The following ICA1 variants were observed in gnomAD, a reference collection of about 807,000 sequenced individuals.
ICA1 encodes the protein islet cell autoantigen 1, also known as 69 kDa islet cell autoantigen.
ICA1 carries 40 observed loss-of-function variants against 71.0 expected under a neutral mutation model. The observed-to-expected ratio is 0.56, with a 90% CI of 0.44 to 0.73. The LOEUF is 0.73. Ranked by LOEUF, ICA1 falls within the 30% of genes least tolerant of loss-of-function variation. The probability of loss-of-function intolerance (pLI) is 0.00; values close to 1 mark genes in which losing one functional copy is unlikely to be tolerated. For synonymous variants in ICA1, 207 were observed against 209.5 expected, an observed-to-expected ratio of 0.99 and a Z score of 0.10; for missense variants, 578 against 576.5, an observed-to-expected ratio of 1.00 and a Z score of -0.03.
At chr7:8,210,488 G>A (rs1396363860) in intron 6 of ICA1, among the ~76,000 whole-genome samples, 1 of 152,074 alleles carries the variant, frequency 6.6e-6, no homozygotes, top group Admixed American at 6.5e-5. Flanking sequence ...ACTAAAAGCA[G>A]AAATAATATA....
chr7:8,197,563 G>GC (rs60077125), intron 6 of ICA1, among the ~76,000 whole-genome samples: 1 of 109,134 alleles, frequency 9.2e-6, no homozygotes, highest in African/African-American at 2.9e-5. Flanking sequence ...AAAAAAAAAA[G>GC]AAGAAAGAAG....
At chr7:8,188,292 G>T (rs1784501176) in intron 6 of ICA1, among the ~76,000 whole-genome samples, 1 of 152,170 alleles carries the variant, frequency 6.6e-6, no homozygotes, top group African/African-American at 2.4e-5. Context: ...TGGTTTCTAA[G>T]TTTCATCATT....
intron 1 of ICA1, 97 bp from the exon 2 acceptor site, chr7:8,236,102 C>T (rs569523853): frequency 1.5e-6 from 1 of 651,606 alleles, no homozygotes; most frequent in East Asian, 2.8e-5. Flanking sequence ...CCATTTCTAG[C>T]TGTATTTTAG....
At chr7:8,157,337 A>C in intron 7 of ICA1, 123 bp from the exon 8 acceptor site, 1 of 975,712 alleles carries the variant, frequency 1.0e-6, no homozygotes, top group South Asian at 1.8e-5. Flanking sequence ...ACTCATTTCC[A>C]TGCTTCCCAT....
At chr7:8,115,429 T>A (rs907959094) in intron 13 of ICA1, among the ~76,000 whole-genome samples, 3 of 152,214 alleles carry the variant, frequency 2.0e-5, no homozygotes, top group Non-Finnish European at 2.9e-5. Flanking sequence ...TGCTAGAGGA[T>A]ATCAAAATAT....
At chr7:8,202,698 T>C (rs1225000685) in intron 6 of ICA1, among the ~76,000 whole-genome samples, 2 of 152,196 alleles carry the variant, frequency 1.3e-5, no homozygotes, top group Non-Finnish European at 2.9e-5. Flanking sequence ...ATCTTGGTAC[T>C]CACCACAGAA....
At position 8,158,369 on chromosome 7, in the gene ICA1, C is replaced by T. The variant is rs1290221269; in HGVS notation, c.705+158G>A. 5 of 806,638 alleles carry T rather than the reference C, an allele frequency of 6.2e-6. No homozygotes were observed. The Admixed American group carries it at 8.0e-5, about 13-fold the overall frequency. The allele number at this position is 806,638 out of a possible 1,614,324, so 50.0% of individuals were successfully genotyped here. A position where few individuals can be genotyped will look rare whatever the true frequency, so the allele number is the denominator to read the frequency against. ...ATAACTACTATTTGGTTTGGTTAAA[C>T]GTAGGGCCCTAGAAGGCAGAGATGT... On this transcript the variant is annotated intron_variant, in intron 7 of 13. Coordinates refer to ENST00000402384, the MANE Select transcript of ICA1 (RefSeq NM_001136020.3).
intron 1 of ICA1, among the ~76,000 whole-genome samples, chr7:8,237,823 C>G (rs528030217): frequency 3.1e-4 from 44 of 142,412 alleles, no homozygotes; most frequent in Admixed American, 9.7e-4. Context: ...AAGACAGACA[C>G]ACACACACAC....
intron 1 of ICA1, among the ~76,000 whole-genome samples, chr7:8,257,769 T>C (rs1376085069): frequency 1.3e-5 from 2 of 152,202 alleles, no homozygotes; most frequent in East Asian, 1.9e-4. Context: ...ATGCAACGAA[T>C]ATTTAGAATC....
At position 8,122,426 on chromosome 7, in the gene ICA1, G is replaced by A. The variant is rs149824122; in HGVS notation, c.1330+5447C>T. On this transcript the variant is annotated intron_variant, in intron 13 of 13. Coordinates refer to ENST00000402384, the MANE Select transcript of ICA1 (RefSeq NM_001136020.3). Reference sequence around the variant, plus strand: ...CCTTGATTCCCTGTTCTATAAAACAGGTGTAGAGTAGATCAAAGTTCCTTC... The same window carrying A: ...CCTTGATTCCCTGTTCTATAAAACAAGTGTAGAGTAGATCAAAGTTCCTTC... 1.5e-3 allele frequency among the ~76,000 whole-genome samples: 236 copies of A among 152,346 alleles called. 2 individuals carry two copies. Among genetic ancestry groups the A allele is most frequent in the African/African-American group, 5.4e-3 (224 of 41,576 alleles).
intron 6 of ICA1, among the ~76,000 whole-genome samples, chr7:8,174,775 A>AACAAAAAACCAAAG (rs1584905899): frequency 3.6e-5 from 4 of 111,400 alleles, no homozygotes; most frequent in South Asian, 2.9e-4. Context: ...AAAAAAAAAA[A>AACAAAAAACCAAAG]AAAACAGAGA....
chr7:8,224,559 CTCT>C (rs1434938306), intron 4 of ICA1, among the ~76,000 whole-genome samples: 5 of 152,162 alleles, frequency 3.3e-5, no homozygotes, highest in Non-Finnish European at 5.9e-5. Flanking sequence ...CTAGTACTTA[CTCT>C]TCCCTAGCAT....
At chr7:8,255,441 A>T (rs1272437874) in intron 1 of ICA1, among the ~76,000 whole-genome samples, 1 of 151,998 alleles carries the variant, frequency 6.6e-6, no homozygotes, top group African/African-American at 2.4e-5. Context: ...CTGTGTCTGC[A>T]TCTCAAATAT....
chr7:8,221,175 A>T (rs1796938589), intron 5 of ICA1, 100 bp downstream of exon 5: 6 of 1,487,266 alleles, frequency 4.0e-6, no homozygotes, highest in Non-Finnish European at 5.6e-6. Flanking sequence ...CCTCAGGCAA[A>T]ATCCTTCTAA....
rs1692371799 is a variant in ICA1 at position 8,218,354 on chromosome 7, G to A, written c.530C>T (p.Ser177Phe). Residue 177 changes from serine (S) to phenylalanine (F), a missense_variant, in exon 6 of 14, where the codon TCT (serine) becomes TTT (phenylalanine). Transcript: ENST00000402384. ...RGALLWMKDV[S>F]QELDPDLYKQ... Reference sequence around the variant, plus strand: ...GTAGAGGTCTGGATCAAGCTCCTGAGACACGTCCTTCATCCATAATAGTGC... The same window carrying A: ...GTAGAGGTCTGGATCAAGCTCCTGAAACACGTCCTTCATCCATAATAGTGC... 1 of 1,614,080 alleles carries A rather than the reference G, an allele frequency of 6.2e-7. No individual in the cohort carries two copies. The highest frequency in any genetic ancestry group is 8.5e-7 in the Non-Finnish European group (1 of 1,179,976).
chr7:8,133,817 G>C (rs1256977723), intron 12 of ICA1, among the ~76,000 whole-genome samples: 1 of 147,204 alleles, frequency 6.8e-6, no homozygotes, highest in Non-Finnish European at 1.5e-5. Context: ...CTGGGAACCT[G>C]ATGATTTGTC....
intron 6 of ICA1, among the ~76,000 whole-genome samples, chr7:8,196,450 T>A (rs1787611486): frequency 6.6e-6 from 1 of 152,218 alleles, no homozygotes; most frequent in Non-Finnish European, 1.5e-5. Context: ...TATACATTTG[T>A]CAAAACATAG....
rs781502227 is a variant in ICA1, at chr7:8,218,505, T to C, written c.381-2A>G. On this transcript the variant is annotated splice_acceptor_variant, in intron 5 of 13. Transcript: ENST00000402384. LOFTEE classifies it high-confidence loss of function. ...CACAAAGGATTTCGTAAGGCCAACCTAGACAAGAGGACAAAGCCACACTCT... is the reference window on the plus strand; with the variant it reads ...CACAAAGGATTTCGTAAGGCCAACCCAGACAAGAGGACAAAGCCACACTCT... 10 of 1,613,748 alleles carry C rather than the reference T, an allele frequency of 6.2e-6. No homozygotes were observed. The highest frequency in any genetic ancestry group is 8.5e-6 in the Non-Finnish European group (10 of 1,179,800).
At chr7:8,194,063 GATTTTTTA>G (rs1786578330) in intron 6 of ICA1, among the ~76,000 whole-genome samples, 1 of 152,152 alleles carries the variant, frequency 6.6e-6, no homozygotes. Flanking sequence ...TAGATAAAAT[GATTTTTTA>G]AAATCTCTGC....
Sources: gnomAD v4.1 joint callset for allele counts (sites outside exome capture counted in the v4.1 genomes callset) on GRCh38, gnomAD v4.1.1 for gene constraint, MANE v1.5 for transcripts, NCBI Gene and HGNC (gene_info 2026-07-23, HGNC 2026-07-21) for gene names.